FAAH2: variants seen among roughly 807,000 people sequenced by gnomAD.
FAAH2 encodes fatty-acid amide hydrolase 2.
A neutral mutation model predicts 36.9 loss-of-function variants in FAAH2; 60 were observed. The observed-to-expected ratio is 1.63, with a 90% CI of 1.32 to 2.02. FAAH2 has a LOEUF of 2.02. FAAH2 is among the 30% of genes most tolerant of loss of function. The pLI is 0.00. For synonymous variants in FAAH2, 214 were observed against 143.8 expected (o/e 1.49, Z -3.49); for missense variants, 689 against 397.5 (o/e 1.73, Z -6.23).
At chrX:57,414,823 T>C (rs1331415351) in intron 7 of FAAH2, among the ~76,000 whole-genome samples, 1 of 108,260 alleles carries the variant, frequency 9.2e-6, no homozygotes, top group African/African-American at 3.4e-5. Flanking sequence ...CTGGTAGAAT[T>C]TGACTGTAAA....
chrX:57,456,469 A>G (rs1239476828), intron 10 of FAAH2, among the ~76,000 whole-genome samples: 2 of 111,957 alleles, frequency 1.8e-5, no homozygotes, highest in African/African-American at 6.5e-5. Flanking sequence ...TTCAGACCTA[A>G]AAGACCATAC....
At chrX:57,296,279 G>A (rs758422051) in intron 2 of FAAH2, among the ~76,000 whole-genome samples, 217 of 111,383 alleles carry the variant, frequency 1.9e-3, no homozygotes, top group Non-Finnish European at 3.6e-3. Context: ...TCAGGCAGCA[G>A]CATTTGTGGT....
chrX:57,299,178 T>C (rs185831373), intron 2 of FAAH2, among the ~76,000 whole-genome samples: 4 of 111,799 alleles, frequency 3.6e-5, no homozygotes, highest in Non-Finnish European at 7.5e-5. Flanking sequence ...ACCAATATCC[T>C]TGATGAACAT....
At chrX:57,462,252 C>A (rs934013841) in intron 10 of FAAH2, among the ~76,000 whole-genome samples, 1 of 108,937 alleles carries the variant, frequency 9.2e-6, no homozygotes, top group African/African-American at 3.3e-5. Context: ...GGTACTATTC[C>A]TTCTGAAACG....
upstream of FAAH2, among the ~76,000 whole-genome samples, chrX:57,283,449 C>T: frequency 9.0e-6 from 1 of 110,870 alleles, no homozygotes; most frequent in Non-Finnish European, 1.9e-5. Flanking sequence ...CTGTGTCTTG[C>T]TAGAAATGTG....
At chrX:57,336,699 G>A (rs1276834539) in intron 4 of FAAH2, among the ~76,000 whole-genome samples, 2 of 111,809 alleles carry the variant, frequency 1.8e-5, no homozygotes, top group Non-Finnish European at 1.9e-5. Flanking sequence ...TGAAACTAAT[G>A]AGAACAAAGA....
chrX:57,486,168 C>A (rs2057470347), intron 10 of FAAH2, among the ~76,000 whole-genome samples: 1 of 112,002 alleles, frequency 8.9e-6, no homozygotes, highest in Non-Finnish European at 1.9e-5. Context: ...TCAGTCAGGG[C>A]CATGTGCTGG....
chrX:57,366,408 C>A (rs748925655), intron 5 of FAAH2, among the ~76,000 whole-genome samples: 41 of 112,126 alleles, frequency 3.7e-4, no homozygotes, highest in Non-Finnish European at 6.8e-4. Flanking sequence ...GGTTAAATAT[C>A]TGTTGCCCTG....
chrX:57,312,595 G>A (rs763818582), intron 3 of FAAH2, among the ~76,000 whole-genome samples: 7 of 109,418 alleles, frequency 6.4e-5, no homozygotes, highest in African/African-American at 9.9e-5. Flanking sequence ...TAGGAGAATC[G>A]CTTGAACCTA....
At chrX:57,276,455 C>A in the FAAH2 span, among the ~76,000 whole-genome samples, 1 of 111,546 alleles carries the variant, frequency 9.0e-6, no homozygotes, top group African/African-American at 3.3e-5. Context: ...GCACTAAATG[C>A]CCACAAGAGA....
intron 7 of FAAH2, among the ~76,000 whole-genome samples, chrX:57,430,023 G>C (rs1034205645): frequency 9.0e-6 from 1 of 111,101 alleles, no homozygotes; most frequent in African/African-American, 3.3e-5. Context: ...AGACACTGGA[G>C]ACTCAAAAGG....
chrX:57,479,233 T>C (rs2057331868), intron 10 of FAAH2, among the ~76,000 whole-genome samples: 1 of 111,786 alleles, frequency 8.9e-6, no homozygotes, highest in African/African-American at 3.3e-5. Context: ...CTTAGGTATT[T>C]TATTCTCTTT....
chrX:57,375,892 G>A (rs2054663014), intron 5 of FAAH2, among the ~76,000 whole-genome samples: 1 of 111,542 alleles, frequency 9.0e-6, no homozygotes, highest in African/African-American at 3.3e-5. Context: ...TAATCCATTA[G>A]AAACAGGTTT....
chrX:57,241,270 C>A, the FAAH2 span, among the ~76,000 whole-genome samples: 4 of 112,362 alleles, frequency 3.6e-5, no homozygotes, highest in Admixed American at 9.4e-5. Context: ...CTATACAATA[C>A]TGTTCTCCAC....
chrX:57,436,153 A>G (rs1319067626), intron 8 of FAAH2, among the ~76,000 whole-genome samples: 1 of 111,168 alleles, frequency 9.0e-6, no homozygotes, highest in Non-Finnish European at 1.9e-5. Flanking sequence ...AAATTATAGC[A>G]ATTTTTGAAA....
chrX:57,167,458 C>A, the FAAH2 span, among the ~76,000 whole-genome samples: 1 of 111,741 alleles, frequency 8.9e-6, no homozygotes, highest in African/African-American at 3.3e-5. Context: ...CTAATGATAC[C>A]TGGCATTCAC....
At chrX:57,221,282 G>A in the FAAH2 span, among the ~76,000 whole-genome samples, 2 of 111,011 alleles carry the variant, frequency 1.8e-5, no homozygotes, top group African/African-American at 6.6e-5. Context: ...GACCCCTCTG[G>A]GGCTTCTAAC....
At chrX:57,455,743 A>C (rs1478106548) in intron 10 of FAAH2, among the ~76,000 whole-genome samples, 1 of 112,329 alleles carries the variant, frequency 8.9e-6, no homozygotes, top group Non-Finnish European at 1.9e-5. Context: ...TCAATTCAAC[A>C]GGAAGTCTTA....
At chrX:57,248,710 G>A in the FAAH2 span, among the ~76,000 whole-genome samples, 1 of 79,898 alleles carries the variant, frequency 1.3e-5, no homozygotes, top group African/African-American at 5.2e-5. Flanking sequence ...CCAAGATCAC[G>A]CCATTGCACT....
Sources: allele counts gnomAD v4.1 joint callset (sites outside exome capture counted in the v4.1 genomes callset), GRCh38; gene constraint gnomAD v4.1.1; transcripts MANE v1.5; gene names NCBI Gene and HGNC (gene_info 2026-07-23, HGNC 2026-07-21).